The following HNF4G variants were observed in gnomAD, a reference collection of about 807,000 sequenced individuals.
The protein encoded by HNF4G is hepatocyte nuclear factor 4 gamma.
A neutral mutation model predicts 50.9 loss-of-function variants in HNF4G; 21 were observed. That is an observed-to-expected ratio of 0.41 (90% CI 0.29 to 0.59). The LOEUF is 0.59. Ranked by LOEUF, HNF4G falls within the 20% of genes least tolerant of loss-of-function variation. The probability of loss-of-function intolerance (pLI) is 0.26; values close to 1 mark genes in which losing one functional copy is unlikely to be tolerated. For missense variants in HNF4G, 527 were observed against 559.4 expected, an observed-to-expected ratio of 0.94 and a Z score of 0.58; for synonymous variants, 198 against 185.6, an observed-to-expected ratio of 1.07 and a Z score of -0.54.
At chr8:75,440,085 A>G (rs1051097451) in intron 1 of HNF4G, among the ~76,000 whole-genome samples, 3 of 152,268 alleles carry the variant, frequency 2.0e-5, no homozygotes, top group Middle Eastern at 3.4e-3. Context: ...CCCAACTATT[A>G]TGTCAATGCA....
chr8:75,539,825 C>T, upstream of HNF4G: 1 of 570,138 alleles, frequency 1.8e-6, no homozygotes, highest in Non-Finnish European at 3.2e-6. Flanking sequence ...GTTTTACAGC[C>T]CCTCCCATTG....
At chr8:75,491,180 C>T (rs1034301514) in intron 2 of HNF4G, among the ~76,000 whole-genome samples, 11 of 152,122 alleles carry the variant, frequency 7.2e-5, no homozygotes, top group Admixed American at 1.3e-4. Context: ...GTAATAACAT[C>T]TATCCCAAGG....
At chr8:75,545,598 A>G (rs1219942865) in intron 2 of HNF4G, among the ~76,000 whole-genome samples, 3 of 152,100 alleles carry the variant, frequency 2.0e-5, no homozygotes, top group Admixed American at 1.3e-4. Flanking sequence ...CTGGTCTCAA[A>G]TGTATCTATT....
At chr8:75,519,374 C>T (rs1017390905) in intron 2 of HNF4G, among the ~76,000 whole-genome samples, 1 of 152,214 alleles carries the variant, frequency 6.6e-6, no homozygotes, top group Non-Finnish European at 1.5e-5. Context: ...TGCCTGTTTC[C>T]CAGTTCCCAA....
At chr8:75,561,048 A>G (rs1397715957) in intron 9 of HNF4G, among the ~76,000 whole-genome samples, 1 of 151,766 alleles carries the variant, frequency 6.6e-6, no homozygotes, top group Non-Finnish European at 1.5e-5. Context: ...TCTGAAACTT[A>G]CATTAGGAAG....
chr8:75,456,808 A>C (rs550000343), intron 1 of HNF4G, among the ~76,000 whole-genome samples: 2 of 152,202 alleles, frequency 1.3e-5, no homozygotes, highest in Admixed American at 1.3e-4. Flanking sequence ...TGGCATGATC[A>C]TAACTCACTG....
chr8:75,456,920 T>A (rs945029872), intron 1 of HNF4G, among the ~76,000 whole-genome samples: 14 of 151,776 alleles, frequency 9.2e-5, no homozygotes, highest in Non-Finnish European at 1.8e-4. Context: ...AAAAAAAAAA[T>A]TATTTGTAGA....
chr8:75,535,156 A>ATT (rs1305887502), upstream of HNF4G, among the ~76,000 whole-genome samples: 13 of 151,820 alleles, frequency 8.6e-5, no homozygotes, highest in Non-Finnish European at 1.3e-4. Context: ...GAATCCCATC[A>ATT]TAAGAGGCAA....
chr8:75,546,139 A>T (rs78563842), intron 2 of HNF4G, among the ~76,000 whole-genome samples: 1 of 152,176 alleles, frequency 6.6e-6, no homozygotes, highest in Non-Finnish European at 1.5e-5. Flanking sequence ...ATAAACAGGT[A>T]CATATCAATA....
intron 2 of HNF4G, among the ~76,000 whole-genome samples, chr8:75,523,425 C>T (rs1391991432): frequency 4.6e-5 from 7 of 152,068 alleles, no homozygotes; most frequent in Non-Finnish European, 8.8e-5. Flanking sequence ...GCAATGCCTC[C>T]TTTTTAAGAA....
intron 1 of HNF4G, among the ~76,000 whole-genome samples, chr8:75,444,934 A>G (rs913057354): frequency 7.0e-6 from 1 of 142,838 alleles, no homozygotes; most frequent in African/African-American, 2.7e-5. Flanking sequence ...CGGACCTAAT[A>G]GACATCTACA....
chr8:75,554,465 G>C (rs989595663), intron 5 of HNF4G, among the ~76,000 whole-genome samples: 6 of 151,954 alleles, frequency 3.9e-5, no homozygotes, highest in Admixed American at 1.3e-4. Context: ...TTATGAATAA[G>C]GCATGGGAAA....
At chr8:75,541,007 T>A (rs1365300709) in intron 1 of HNF4G, among the ~76,000 whole-genome samples, 1 of 151,986 alleles carries the variant, frequency 6.6e-6, no homozygotes, top group Non-Finnish European at 1.5e-5. Flanking sequence ...GTGGGGATTT[T>A]AAAAAATAGT....
At chr8:75,425,122 G>C (rs1241294858) in intron 1 of HNF4G, among the ~76,000 whole-genome samples, 1 of 151,012 alleles carries the variant, frequency 6.6e-6, no homozygotes, top group Non-Finnish European at 1.5e-5. Context: ...GTCTCGCTCA[G>C]CCACCTGGGC....
At chr8:75,442,803 G>C (rs1442081795) in intron 1 of HNF4G, among the ~76,000 whole-genome samples, 1 of 151,990 alleles carries the variant, frequency 6.6e-6, no homozygotes, top group Admixed American at 6.6e-5. Context: ...TGGTTTTTAA[G>C]GTGTTCAGGG....
At chr8:75,442,003 T>C (rs1811298073) in intron 1 of HNF4G, among the ~76,000 whole-genome samples, 1 of 152,240 alleles carries the variant, frequency 6.6e-6, no homozygotes, top group African/African-American at 2.4e-5. Context: ...TTGTGTCCAT[T>C]AACATAGATG....
At chr8:75,504,980 C>T (rs1813038043) in intron 2 of HNF4G, among the ~76,000 whole-genome samples, 1 of 152,028 alleles carries the variant, frequency 6.6e-6, no homozygotes, top group South Asian at 2.1e-4. Context: ...TAATTCCACT[C>T]ATTAATATAG....
intron 1 of HNF4G, among the ~76,000 whole-genome samples, chr8:75,462,634 T>G: frequency 6.6e-6 from 1 of 152,246 alleles, no homozygotes; most frequent in East Asian, 1.9e-4. Context: ...GATATTAATA[T>G]GTCAATATAA....
At chr8:75,549,289 T>C (rs2977939) in intron 3 of HNF4G, among the ~76,000 whole-genome samples, 33,935 of 152,112 alleles carry the variant, frequency 0.22, 3,961 homozygotes, top group Middle Eastern at 0.3. Context: ...CATAGTTTTA[T>C]GTCAAAAATG....
Sources: gnomAD v4.1 joint callset for allele counts (sites outside exome capture counted in the v4.1 genomes callset) on GRCh38, gnomAD v4.1.1 for gene constraint, MANE v1.5 for transcripts, NCBI Gene and HGNC (gene_info 2026-07-23, HGNC 2026-07-21) for gene names.